Variants in PAXBP1 observed in about 807,000 individuals in gnomAD.
PAXBP1 encodes PAX3- and PAX7-binding protein 1.
In PAXBP1, 44 loss-of-function variants were observed where a neutral mutation model predicts 119.9. That is an observed-to-expected ratio of 0.37 (90% CI 0.29 to 0.47). The LOEUF (loss-of-function observed/expected upper bound fraction) is 0.47. PAXBP1 is among the 20% of genes least tolerant of loss of function. The pLI is 0.99. For synonymous variants in PAXBP1, 393 were observed against 406.6 expected (o/e 0.97, Z 0.40); for missense variants, 898 against 1,134.1 (o/e 0.79, Z 2.99).
At chr21:32,741,497 A>G in intron 15 of PAXBP1, 1 of 773,868 alleles carries the variant, frequency 1.3e-6, no homozygotes, top group Non-Finnish European at 2.4e-6. Context: ...ACAAAAAGGT[A>G]TGATCTACTG....
At chr21:32,744,452 A>C (rs2146477351) in intron 13 of PAXBP1, among the ~76,000 whole-genome samples, 1 of 152,190 alleles carries the variant, frequency 6.6e-6, no homozygotes, top group Admixed American at 6.5e-5. Context: ...TCCCCCCAGA[A>C]AATACAGTCT....
intron 7 of PAXBP1, among the ~76,000 whole-genome samples, chr21:32,758,005 G>C (rs1045628764): frequency 2.6e-5 from 4 of 152,176 alleles, no homozygotes; most frequent in Non-Finnish European, 5.9e-5. Flanking sequence ...AGGTGATAAA[G>C]ACAAAACATG....
chr21:32,737,950 A>C (rs1201074385), intron 16 of PAXBP1, among the ~76,000 whole-genome samples: 1 of 152,158 alleles, frequency 6.6e-6, no homozygotes, highest in East Asian at 1.9e-4. Flanking sequence ...TATCTATAAA[A>C]ATATGGATAT....
In PAXBP1 at chr21:32,769,925, T is replaced by G. The variant is rs368177376; in HGVS notation, c.361A>C (p.Lys121Gln). ...DEEEENEEVF[K>Q]VKKSSYSKKI... ...TTGCTATAACTTGATTTCTTCACTT[T>G]GAAAACTTCTTCATTTTCTTAAAAA... Residue 121 changes from lysine to glutamine, a missense_variant, in exon 2 of 18, where the codon AAA becomes CAA. Lys to Gln is a moderately conservative substitution (Grantham distance 53, BLOSUM62 1). Transcript: ENST00000331923. 1.9e-6 allele frequency: 3 copies of G among 1,545,486 alleles called. No individual in the cohort carries two copies. The South Asian group carries it at 3.6e-5, about 18-fold the overall frequency.
intron 1 of PAXBP1, 128 bp from the exon 2 acceptor site, chr21:32,770,070 TAATTATTTC>T: frequency 1.5e-6 from 1 of 654,542 alleles, no homozygotes; most frequent in East Asian, 3.3e-5. Flanking sequence ...AATCATTGTA[TAATTATTTC>T]AAGTCTGTCA....
intron 15 of PAXBP1, among the ~76,000 whole-genome samples, chr21:32,739,938 TAAAAAAAAAAAAA>T (rs756477858): frequency 0.011 from 503 of 47,068 alleles, 11 homozygotes; most frequent in African/African-American, 0.04. Flanking sequence ...CTCGTCTCTT[TAAAAAAAAAAAAA>T]AAAAAAAAAA....
intron 15 of PAXBP1, chr21:32,742,866 T>C: frequency 2.8e-6 from 1 of 355,688 alleles, no homozygotes; most frequent in Admixed American, 3.9e-5. Flanking sequence ...ATCATAGGTA[T>C]GTATGTAGAG....
intron 8 of PAXBP1, chr21:32,751,817 TA>T (rs775787491): frequency 1.3e-5 from 2 of 152,268 alleles, no homozygotes; most frequent in Non-Finnish European, 2.9e-5. Context: ...AGTTTTATTT[TA>T]TTTTTTTGGT....
At chr21:32,750,855 A>C in intron 10 of PAXBP1, 62 bp downstream of exon 10, 38 of 1,254,054 alleles carry the variant, frequency 3.0e-5, no homozygotes, top group East Asian at 4.6e-5. Flanking sequence ...TTTCATGGTA[A>C]AAACCATACC....
At chr21:32,738,548 C>G (rs1348849578) in intron 15 of PAXBP1, among the ~76,000 whole-genome samples, 1 of 152,142 alleles carries the variant, frequency 6.6e-6, no homozygotes, top group Non-Finnish European at 1.5e-5. Context: ...GGCTACAGCA[C>G]TGGTCAGCAC....
At position 32,762,088 on chromosome 21, in the gene PAXBP1, C is replaced by T. The variant is rs755804139; in HGVS notation, c.871+8G>A. 5 of 1,613,682 alleles carry T rather than the reference C, an allele frequency of 3.1e-6. 1 individual carries two copies. The highest frequency in any genetic ancestry group is 1.7e-5 in the Admixed American group (1 of 59,950). On this transcript the variant is annotated splice_region_variant and intron_variant, in intron 4 of 17. Coordinates refer to ENST00000331923, the MANE Select transcript of PAXBP1 (RefSeq NM_016631.4). ...CAATAGGCTTACTATTCAATTAAAT[C>T]AAGTTACCTATTTCCTCAGCAATTT... is the stretch of plus-strand genomic sequence containing the variant.
chr21:32,758,014 T>A (rs950700477), intron 7 of PAXBP1, among the ~76,000 whole-genome samples: 1 of 152,086 alleles, frequency 6.6e-6, no homozygotes, highest in Non-Finnish European at 1.5e-5. Flanking sequence ...AGACAAAACA[T>A]GAGAAACCCT....
chr21:32,760,078 A>C lies in PAXBP1; in HGVS notation c.976-84T>G, dbSNP rs190750000. On this transcript the variant is annotated intron_variant, in intron 5 of 17. Coordinates refer to ENST00000331923, the MANE Select transcript of PAXBP1 (RefSeq NM_016631.4). ...ATGCCTTTAGGGTTAAAAAATCAAC[A>C]GCAAAAATTATACCTATTTGCCAAA... 7.8e-5 allele frequency: 86 copies of C among 1,097,262 alleles called. No individual in the cohort carries two copies. In the East Asian group the frequency reaches 2.0e-3, roughly 26 times the overall value. The allele number at this position is 1,097,262 out of a possible 1,614,324, so 68.0% of individuals were successfully genotyped here.
intron 7 of PAXBP1, among the ~76,000 whole-genome samples, chr21:32,757,154 GA>G (rs571113855): frequency 0.012 from 1,776 of 148,652 alleles, 34 homozygotes; most frequent in African/African-American, 0.039. Context: ...AAGCAAAGAG[GA>G]AAAAAAAAGG....
chr21:32,764,763 T>G (rs2044212702), intron 2 of PAXBP1, among the ~76,000 whole-genome samples: 1 of 152,118 alleles, frequency 6.6e-6, no homozygotes, highest in Non-Finnish European at 1.5e-5. Flanking sequence ...ATACAGAGGA[T>G]GTAATAAAGG....
Position 32,771,575 on chromosome 21 carries a change from A to ACGG in PAXBP1, c.91_93dup (p.Pro31dup), listed in dbSNP as rs2044355959. ...TCGCCCGTGCCCGGCGGCGGCAACA[A>ACGG]CGGCGGCGGCTCCTGCTCCTCATCG... On this transcript the variant is annotated inframe_insertion, in exon 1 of 18. Transcript: ENST00000331923. 7.0e-7 allele frequency: 1 copy of ACGG among 1,436,360 alleles called. No individual in the cohort carries two copies. Among genetic ancestry groups the ACGG allele is most frequent in the African/African-American group, 1.5e-5 (1 of 67,046 alleles). 89.0% of individuals were successfully genotyped at this position (1,436,360 alleles called of 1,614,324 possible).
At chr21:32,751,675 T>C (rs1231251834) in intron 8 of PAXBP1, 1 of 153,458 alleles carries the variant, frequency 6.5e-6, no homozygotes, top group Non-Finnish European at 1.5e-5. Flanking sequence ...AAGAGTTTAA[T>C]AAATTTATTG....
In PAXBP1 at chr21:32,745,474, A is replaced by C. The variant is rs1350903548; in HGVS notation, c.2068+100T>G. 2.7e-6 allele frequency: 4 copies of C among 1,496,096 alleles called. No homozygotes were observed. In the African/African-American group the frequency reaches 4.2e-5, roughly 16 times the overall value. 92.7% of individuals were successfully genotyped at this position (1,496,096 alleles called of 1,614,324 possible). A position where few individuals can be genotyped will look rare whatever the true frequency, so the allele number is the denominator to read the frequency against. ...AGGTGGTAACTATTATTTCTCATGTAATTTCTATAAGGAAACATGCTCTGA... is the reference window on the plus strand; with the variant it reads ...AGGTGGTAACTATTATTTCTCATGTCATTTCTATAAGGAAACATGCTCTGA... On this transcript the variant is annotated intron_variant, in intron 12 of 17. Transcript: ENST00000331923.
chr21:32,766,865 C>T (rs1271236042), intron 2 of PAXBP1, among the ~76,000 whole-genome samples: 3 of 152,196 alleles, frequency 2.0e-5, no homozygotes, highest in South Asian at 4.1e-4. Flanking sequence ...ATAGCCCCTC[C>T]TTGGTCCTCA....
Sources: allele counts gnomAD v4.1 joint callset (sites outside exome capture counted in the v4.1 genomes callset), GRCh38; gene constraint gnomAD v4.1.1; transcripts MANE v1.5; gene names NCBI Gene and HGNC (gene_info 2026-07-23, HGNC 2026-07-21).